The following MYT1L variants were observed in gnomAD, a reference collection of about 807,000 sequenced individuals.
MYT1L encodes myelin transcription factor 1 like, also known as myelin transcription factor 1-like protein.
MYT1L carries 12 observed loss-of-function variants against 126.7 expected under a neutral mutation model. The observed-to-expected ratio is 0.09, with a 90% CI of 0.06 to 0.15. The LOEUF is 0.15. Among genes scored for constraint, MYT1L ranks in the 10% least tolerant of loss-of-function variants. The probability of loss-of-function intolerance (pLI) is 1.00; values close to 1 mark genes in which losing one functional copy is unlikely to be tolerated. For missense variants in MYT1L, 979 were observed against 1,585.2 expected, an observed-to-expected ratio of 0.62 and a Z score of 6.49; for synonymous variants, 541 against 604.2, an observed-to-expected ratio of 0.90 and a Z score of 1.53.
rs919411695 is a variant in MYT1L at position 2,159,485 on chromosome 2, C to G, written c.-304+13387G>C. Among the ~76,000 whole-genome samples, 4 of 151,724 alleles carry G rather than the reference C, an allele frequency of 2.6e-5. No homozygotes were observed. In the East Asian group the frequency reaches 7.9e-4, roughly 30 times the overall value. ...ACACCAGGTGTGGTGTGGGATCTCG[C>G]CTGGCTTTCCTGCCCCATCCCCAGA... On this transcript the variant is annotated intron_variant, in intron 3 of 24. Coordinates refer to ENST00000647738, the MANE Select transcript of MYT1L (RefSeq NM_001303052.2).
chr2:2,187,479 A>G (rs577762132), intron 2 of MYT1L, among the ~76,000 whole-genome samples: 110 of 152,048 alleles, frequency 7.2e-4, no homozygotes, highest in African/African-American at 2.5e-3. Flanking sequence ...GTTATTACCC[A>G]GCTTAGTTCC....
intron 9 of MYT1L, among the ~76,000 whole-genome samples, chr2:1,936,285 A>G (rs2055872450): frequency 6.6e-6 from 1 of 152,258 alleles, no homozygotes; most frequent in African/African-American, 2.4e-5. Context: ...TTTGTATCAA[A>G]GTACCTGAAG....
At chr2:2,182,551 A>C (rs2091650903) in intron 2 of MYT1L, among the ~76,000 whole-genome samples, 1 of 152,194 alleles carries the variant, frequency 6.6e-6, no homozygotes, top group Middle Eastern at 3.2e-3. Context: ...CACAAGGAAG[A>C]AAGCCAGACA....
chr2:2,106,090 A>G (rs2078717571), intron 3 of MYT1L, among the ~76,000 whole-genome samples: 2 of 152,160 alleles, frequency 1.3e-5, no homozygotes, highest in Non-Finnish European at 2.9e-5. Context: ...TGCAGTGTGG[A>G]GCACCACGCA....
intron 21 of MYT1L, chr2:1,824,725 G>C (rs1402276228): frequency 6.6e-6 from 1 of 151,378 alleles, no homozygotes; most frequent in Non-Finnish European, 1.5e-5. Flanking sequence ...GATGCATATT[G>C]AGTCATCCAG....
At chr2:2,215,983 T>G (rs1442020885) in intron 2 of MYT1L, among the ~76,000 whole-genome samples, 1 of 152,096 alleles carries the variant, frequency 6.6e-6, no homozygotes, top group Non-Finnish European at 1.5e-5. Context: ...TAAAAATGTG[T>G]GGCACCCTCT....
rs557228180 is a variant in MYT1L, at chr2:1,994,339, C to T, written c.-1+2852G>A. Among the ~76,000 whole-genome samples the T allele has an allele frequency of 1.3e-4, 19 of 151,418 alleles. No homozygotes were observed. In the East Asian group the frequency reaches 1.4e-3, roughly 11 times the overall value. ...TTCACGCCCTGCTCCCTCCTCCCAG[C>T]GAGTCCTCCTGGGGGGCTCAGCCCT... On this transcript the variant is annotated intron_variant, in intron 5 of 24. Coordinates refer to ENST00000647738, the MANE Select transcript of MYT1L (RefSeq NM_001303052.2).
chr2:1,913,323 G>T (rs564081118), intron 11 of MYT1L, among the ~76,000 whole-genome samples: 1 of 152,274 alleles, frequency 6.6e-6, no homozygotes, highest in East Asian at 1.9e-4. Context: ...GTAGGTCCTA[G>T]TAAGTGCTGT....
At chr2:2,296,833 T>A (rs1164500128) in intron 1 of MYT1L, among the ~76,000 whole-genome samples, 4 of 152,122 alleles carry the variant, frequency 2.6e-5, no homozygotes, top group African/African-American at 7.2e-5. Context: ...TGTGGGCAGG[T>A]CATCACCAGG....
At chr2:2,193,399 G>A (rs1265489069) in intron 2 of MYT1L, among the ~76,000 whole-genome samples, 1 of 152,190 alleles carries the variant, frequency 6.6e-6, no homozygotes. Flanking sequence ...ATGCTTAAGT[G>A]CTTGAAAACA....
intron 3 of MYT1L, among the ~76,000 whole-genome samples, chr2:2,139,250 T>C (rs1169150106): frequency 6.6e-6 from 1 of 152,120 alleles, no homozygotes; most frequent in Non-Finnish European, 1.5e-5. Context: ...GAAACCTAAA[T>C]TCAGCCATGA....
At chr2:2,266,665 A>G (rs1310019629) in intron 2 of MYT1L, among the ~76,000 whole-genome samples, 3 of 152,148 alleles carry the variant, frequency 2.0e-5, no homozygotes, top group Admixed American at 6.5e-5. Context: ...CCCAAATCTC[A>G]TCTTGAATTG....
At chr2:2,209,526 A>G (rs1207611653) in intron 2 of MYT1L, among the ~76,000 whole-genome samples, 3 of 152,318 alleles carry the variant, frequency 2.0e-5, no homozygotes, top group Admixed American at 6.5e-5. Flanking sequence ...TGGCTTGTTT[A>G]ACTTAACATA....
chr2:2,171,961 A>G (rs1027079735), intron 3 of MYT1L, among the ~76,000 whole-genome samples: 15 of 152,168 alleles, frequency 9.9e-5, no homozygotes, highest in Admixed American at 9.8e-4. Context: ...AGCTTTCCTT[A>G]TAGAGCATGC....
rs190854576 is a variant in MYT1L at position 1,989,827 on chromosome 2, G to A, written c.-1+7364C>T. Reference sequence around the variant, plus strand: ...GCCTGGCTAACATGGTGAAAACCCCGTCTCTACCAAAAATACAAAAGTTAG... The same window carrying A: ...GCCTGGCTAACATGGTGAAAACCCCATCTCTACCAAAAATACAAAAGTTAG... On this transcript the variant is annotated intron_variant, in intron 5 of 24. Transcript: ENST00000647738. 6.6e-5 allele frequency among the ~76,000 whole-genome samples: 10 copies of A among 152,094 alleles called. No individual in the cohort carries two copies. The East Asian group carries it at 1.9e-3, about 29-fold the overall frequency.
At chr2:1,934,291 C>CAT (rs71276815) in intron 9 of MYT1L, among the ~76,000 whole-genome samples, 5,681 of 123,482 alleles carry the variant, frequency 0.046, 421 homozygotes, top group Non-Finnish European at 0.064. Flanking sequence ...ATTTTTATAA[C>CAT]ATATATATAT....
intron 18 of MYT1L, among the ~76,000 whole-genome samples, chr2:1,873,136 C>A (rs538877915): frequency 3.0e-4 from 45 of 152,282 alleles, no homozygotes; most frequent in South Asian, 2.7e-3. Flanking sequence ...GGCCTCACAG[C>A]ATGTTTTGAG....
At chr2:2,180,648 G>GT (rs2091338757) in intron 2 of MYT1L, among the ~76,000 whole-genome samples, 2 of 151,564 alleles carry the variant, frequency 1.3e-5, no homozygotes, top group South Asian at 2.1e-4. Context: ...ACCTGTATCT[G>GT]TACCTGTGTA....
At chr2:2,086,218 G>A (rs1281601753) in intron 3 of MYT1L, among the ~76,000 whole-genome samples, 2 of 152,190 alleles carry the variant, frequency 1.3e-5, no homozygotes, top group African/African-American at 2.4e-5. Flanking sequence ...AGGAAGAGAT[G>A]CGCTAAATAA....
Sources: gnomAD v4.1 joint callset for allele counts (sites outside exome capture counted in the v4.1 genomes callset) on GRCh38, gnomAD v4.1.1 for gene constraint, MANE v1.5 for transcripts, NCBI Gene and HGNC (gene_info 2026-07-23, HGNC 2026-07-21) for gene names.